PLEKHA7: variants seen among roughly 807,000 people sequenced by gnomAD.
The protein encoded by PLEKHA7 is pleckstrin homology domain-containing family A member 7.
In PLEKHA7, 104 loss-of-function variants were observed where a neutral mutation model predicts 170.0. The ratio of observed to expected loss-of-function variants is 0.61; its 90% CI spans 0.52 to 0.72. The LOEUF (loss-of-function observed/expected upper bound fraction) is 0.72. PLEKHA7 is among the 30% of genes least tolerant of loss of function. PLEKHA7 has a pLI of 0.00. For synonymous variants in PLEKHA7, 648 were observed against 660.8 expected (o/e 0.98, Z 0.30); for missense variants, 1,615 against 1,671.7 (o/e 0.97, Z 0.59).
intron 7 of PLEKHA7, 123 bp from the exon 8 acceptor site, chr11:16,851,414 C>A: frequency 1.9e-6 from 1 of 527,622 alleles, no homozygotes; most frequent in Non-Finnish European, 3.3e-6. Flanking sequence ...CCTCCCACAA[C>A]CCACACACAG....
intron 10 of PLEKHA7, among the ~76,000 whole-genome samples, chr11:16,819,457 C>T (rs1378923849): frequency 6.6e-6 from 1 of 152,208 alleles, no homozygotes; most frequent in African/African-American, 2.4e-5. Context: ...TGGAATTTTA[C>T]TAAGCCTGAG....
At chr11:16,782,671 C>G in intron 26 of PLEKHA7, 83 bp downstream of exon 26, 1 of 1,491,784 alleles carries the variant, frequency 6.7e-7, no homozygotes, top group Non-Finnish European at 8.9e-7. Context: ...TTTCCACTGG[C>G]TCTGGAACAG....
At chr11:17,006,463 C>A in intron 3 of PLEKHA7, among the ~76,000 whole-genome samples, 1 of 87,650 alleles carries the variant, frequency 1.1e-5, no homozygotes, top group Non-Finnish European at 2.5e-5. Context: ...CCCATCTGTA[C>A]TAAAAATACA....
intron 4 of PLEKHA7, among the ~76,000 whole-genome samples, chr11:16,856,435 G>C (rs531875976): frequency 3.3e-5 from 5 of 152,266 alleles, no homozygotes; most frequent in African/African-American, 1.2e-4. Flanking sequence ...TCCCAAAATA[G>C]ACTACTCAAC....
At position 16,908,250 on chromosome 11, in the gene PLEKHA7, G is replaced by A. The variant is rs1338180676; in HGVS notation, c.222-37068C>T. Among the ~76,000 whole-genome samples the A allele has an allele frequency of 1.9e-4, 22 of 114,782 alleles. No homozygotes were observed. In the Admixed American group the frequency reaches 2.3e-3, roughly 12 times the overall value. 75.3% of individuals were successfully genotyped at this position (114,782 alleles called of 152,430 possible). ...CCCTCTGCGAGAAACACCCAAGAATGATCAATAAAAAAAAAAAAAAGAAAA... is the reference window on the plus strand; with the variant it reads ...CCCTCTGCGAGAAACACCCAAGAATAATCAATAAAAAAAAAAAAAAGAAAA... On this transcript the variant is annotated intron_variant, in intron 3 of 26. Coordinates refer to ENST00000531066, the MANE Select transcript of PLEKHA7 (RefSeq NM_001329630.2).
At chr11:16,958,941 G>C (rs1222124145) in intron 3 of PLEKHA7, among the ~76,000 whole-genome samples, 1 of 152,152 alleles carries the variant, frequency 6.6e-6, no homozygotes, top group African/African-American at 2.4e-5. Flanking sequence ...GGGTACAGGC[G>C]GGTGGGGGGA....
chr11:16,975,711 C>A (rs1863019060), intron 3 of PLEKHA7, among the ~76,000 whole-genome samples: 1 of 152,178 alleles, frequency 6.6e-6, no homozygotes, highest in Admixed American at 6.5e-5. Flanking sequence ...CAGAGATAGA[C>A]AACAAGATGT....
intron 9 of PLEKHA7, among the ~76,000 whole-genome samples, chr11:16,832,733 T>A (rs955262165): frequency 2.6e-5 from 4 of 152,080 alleles, no homozygotes; most frequent in Non-Finnish European, 5.9e-5. Context: ...ACTGGAGGGA[T>A]CCCTCCCTGC....
At chr11:16,852,135 C>A in intron 7 of PLEKHA7, 148 bp downstream of exon 7, 2 of 637,834 alleles carry the variant, frequency 3.1e-6, no homozygotes, top group Non-Finnish European at 5.4e-6. Flanking sequence ...AATCCTGAGA[C>A]CCTTAGTAGC....
chr11:17,001,811 A>T (rs1201020878), intron 3 of PLEKHA7, among the ~76,000 whole-genome samples: 1 of 151,966 alleles, frequency 6.6e-6, no homozygotes, highest in East Asian at 1.9e-4. Context: ...CCAAGCTACA[A>T]GAGGTAGCCA....
At chr11:16,894,689 T>G (rs1856889302) in intron 3 of PLEKHA7, among the ~76,000 whole-genome samples, 1 of 151,910 alleles carries the variant, frequency 6.6e-6, no homozygotes, top group Admixed American at 6.6e-5. Context: ...TGGGGCCCCT[T>G]CTCCCCACAG....
chr11:16,841,078 A>G (rs1374737890), intron 9 of PLEKHA7, among the ~76,000 whole-genome samples: 1 of 152,182 alleles, frequency 6.6e-6, no homozygotes, highest in Non-Finnish European at 1.5e-5. Flanking sequence ...GACTCCACTC[A>G]TATTCCTCTT....
chr11:16,848,029 A>G (rs966120648), intron 8 of PLEKHA7, among the ~76,000 whole-genome samples: 5 of 152,116 alleles, frequency 3.3e-5, no homozygotes, highest in Non-Finnish European at 5.9e-5. Context: ...CACTTACTAT[A>G]TACTAGGTCC....
intron 3 of PLEKHA7, among the ~76,000 whole-genome samples, chr11:16,982,593 T>G (rs533885863): frequency 5.3e-5 from 8 of 152,218 alleles, no homozygotes; most frequent in African/African-American, 1.4e-4. Flanking sequence ...ATTCATCAGC[T>G]CTAGGCCAAT....
At chr11:16,856,002 G>GTTGGGCC (rs1265848000) in intron 4 of PLEKHA7, 88 bp from the exon 5 acceptor site, 1 of 1,161,018 alleles carries the variant, frequency 8.6e-7, no homozygotes, top group African/African-American at 1.5e-5. Context: ...GGAATCGGTT[G>GTTGGGCC]TTGGGCCTTA....
rs560729744 is a variant in PLEKHA7, at chr11:16,828,632, G to A, written c.873-2042C>T. Among the ~76,000 whole-genome samples the A allele has an allele frequency of 5.3e-5, 8 of 152,240 alleles. No homozygotes were observed. The South Asian group carries it at 1.7e-3, about 32-fold the overall frequency. Reference sequence around the variant, plus strand: ...TTTGGAACTCCTTTTATCCAACAGAGGACATCTTTCCTCTCCAACCCCCAC... The same window carrying A: ...TTTGGAACTCCTTTTATCCAACAGAAGACATCTTTCCTCTCCAACCCCCAC... On this transcript the variant is annotated intron_variant, in intron 9 of 26. Coordinates refer to ENST00000531066, the MANE Select transcript of PLEKHA7 (RefSeq NM_001329630.2).
At chr11:16,786,779 G>A (rs1367107022) in intron 23 of PLEKHA7, 6 of 985,406 alleles carry the variant, frequency 6.1e-6, no homozygotes, top group Non-Finnish European at 7.2e-6. Flanking sequence ...CCCAGGCTCA[G>A]AATTAATGGA....
intron 6 of PLEKHA7, among the ~76,000 whole-genome samples, chr11:16,852,584 T>G (rs1298560353): frequency 1.3e-5 from 2 of 152,210 alleles, no homozygotes; most frequent in African/African-American, 4.8e-5. Flanking sequence ...TAGAAGCAAA[T>G]TAATATATAA....
chr11:17,013,986 C>G lies in PLEKHA7; in HGVS notation c.221+3G>C. The stretch of plus-strand genomic sequence containing the variant: ...TGCGAGCGCGGCGGCCCCACTCACT[C>G]ACTCGATGAAGTAGCTGGCGCCCTC... On this transcript the variant is annotated splice_donor_region_variant and intron_variant, in intron 3 of 26. Coordinates refer to ENST00000531066, the MANE Select transcript of PLEKHA7 (RefSeq NM_001329630.2). The G allele has an allele frequency of 1.9e-6, 3 of 1,541,836 alleles. No individual in the cohort carries two copies. The highest frequency in any genetic ancestry group is 2.6e-6 in the Non-Finnish European group (3 of 1,143,932).
Sources: allele counts gnomAD v4.1 joint callset (sites outside exome capture counted in the v4.1 genomes callset), GRCh38; gene constraint gnomAD v4.1.1; transcripts MANE v1.5; gene names NCBI Gene and HGNC (gene_info 2026-07-23, HGNC 2026-07-21).